SPECC1L: variants seen among roughly 807,000 people sequenced by gnomAD.
SPECC1L encodes cytospin-A.
Under a neutral mutation model 116.8 loss-of-function variants are expected in SPECC1L, and 40 were observed. The ratio of observed to expected loss-of-function variants is 0.34; its 90% CI spans 0.27 to 0.45. The LOEUF is 0.45. Among genes scored for constraint, SPECC1L ranks in the 20% least tolerant of loss-of-function variants. The pLI is 1.00. For synonymous variants in SPECC1L, 504 were observed against 500.6 expected (o/e 1.01, Z -0.09); for missense variants, 1,110 against 1,373.6 (o/e 0.81, Z 3.03).
intron 2 of SPECC1L, 52 bp from the exon 3 acceptor site, chr22:24,302,143 A>T: frequency 7.4e-7 from 1 of 1,360,132 alleles, no homozygotes; most frequent in Non-Finnish European, 1.0e-6. Flanking sequence ...CAAATTTCTA[A>T]AGCGCTTCCT....
At chr22:24,374,381 A>G (rs1217242957) in intron 14 of SPECC1L, among the ~76,000 whole-genome samples, 4 of 152,204 alleles carry the variant, frequency 2.6e-5, no homozygotes, top group Non-Finnish European at 4.4e-5. Flanking sequence ...CCAAATGCCC[A>G]AGAATGATAG....
chr22:24,322,250 T>C lies in SPECC1L; in HGVS notation c.1270T>C (p.Leu424=), dbSNP rs1266530935. ...GGCAACCCTGCAAGAGCTAGCTGAT[T>C]TACAGCAGATTACCCAGGAACTGAA... The part of the protein sequence containing the change: ...LQATLQELAD[L]QQITQELNSE... The change falls in exon 5 of 17, where the codon TTA becomes CTA. Residue 424 remains leucine, a synonymous_variant. Transcript: ENST00000314328. 6.2e-7 allele frequency: 1 copy of C among 1,614,044 alleles called. No homozygotes were observed. The highest frequency in any genetic ancestry group is 2.2e-5 in the East Asian group (1 of 44,896).
At chr22:24,318,520 G>C (rs1336165811) in intron 4 of SPECC1L, among the ~76,000 whole-genome samples, 3 of 152,162 alleles carry the variant, frequency 2.0e-5, no homozygotes, top group Admixed American at 2.0e-4. Context: ...GGAAAGAGGG[G>C]AGAGGGGAGA....
At chr22:24,384,583 C>G (rs1401327251) in intron 14 of SPECC1L, among the ~76,000 whole-genome samples, 1 of 152,092 alleles carries the variant, frequency 6.6e-6, no homozygotes, top group Admixed American at 6.6e-5. Flanking sequence ...TTGAATTGTT[C>G]AGGAGGTTAG....
At chr22:24,387,589 T>G (rs1026721311) in intron 14 of SPECC1L, among the ~76,000 whole-genome samples, 9 of 152,214 alleles carry the variant, frequency 5.9e-5, no homozygotes, top group Non-Finnish European at 1.0e-4. Flanking sequence ...ATCTGTGGTT[T>G]TGAGGTTTTT....
At chr22:24,399,132 ACAT>A (rs2042421596) in intron 14 of SPECC1L, among the ~76,000 whole-genome samples, 2 of 152,208 alleles carry the variant, frequency 1.3e-5, no homozygotes, top group South Asian at 4.1e-4. Flanking sequence ...CAGAAAGCAG[ACAT>A]CATGATTCCT....
chr22:24,333,708 T>C (rs1267625397), intron 8 of SPECC1L, among the ~76,000 whole-genome samples: 1 of 152,078 alleles, frequency 6.6e-6, no homozygotes, highest in Admixed American at 6.5e-5. Context: ...ATTAATATTA[T>C]ATAGTTATCA....
intron 2 of SPECC1L, among the ~76,000 whole-genome samples, chr22:24,278,511 T>A (rs1220100426): frequency 6.6e-6 from 1 of 152,164 alleles, no homozygotes; most frequent in Non-Finnish European, 1.5e-5. Flanking sequence ...AATATAAATA[T>A]ACCATTCATT....
At chr22:24,393,804 AT>A (rs2042315888) in intron 14 of SPECC1L, among the ~76,000 whole-genome samples, 1 of 151,996 alleles carries the variant, frequency 6.6e-6, no homozygotes, top group Non-Finnish European at 1.5e-5. Flanking sequence ...CACCATGAAC[AT>A]TTCCTCGTGC....
rs769924856 is a variant in SPECC1L at position 24,322,557 on chromosome 22, A to C, written c.1577A>C (p.Asp526Ala). 6.2e-7 allele frequency: 1 copy of C among 1,614,214 alleles called. No individual in the cohort carries two copies. The highest frequency in any genetic ancestry group is 8.5e-7 in the Non-Finnish European group (1 of 1,180,044). Residue 526 changes from aspartate to alanine, a missense_variant, in exon 5 of 17, where the codon GAC becomes GCC. Asp to Ala is a moderately radical substitution (Grantham distance 126, BLOSUM62 -2). This residue lies in a region of SPECC1L where 575 missense variants were observed against 682.4 expected (regional missense o/e 0.84). Transcript: ENST00000314328. ...LSNTLKMAEQ[D>A]NKEAQEMIGA... ...AATACTTTGAAAATGGCAGAACAAG[A>C]CAATAAGGAAGCTCAAGAAATGATA...
Position 24,412,720 on chromosome 22 carries a change from C to G in SPECC1L, c.3264+13C>G. ...CAAATCCACACTGGTGAGCCCTTGT[C>G]CCCCTGAGTCACTGGCAGGGCCCTC... On this transcript the variant is annotated intron_variant, in intron 16 of 16. Coordinates refer to ENST00000314328, the MANE Select transcript of SPECC1L (RefSeq NM_015330.6). 1 of 1,613,778 alleles carries G rather than the reference C, an allele frequency of 6.2e-7. No individual in the cohort carries two copies. Among genetic ancestry groups the G allele is most frequent in the African/African-American group, 1.3e-5 (1 of 75,010 alleles).
At chr22:24,323,516 G>T (rs545092783) in intron 5 of SPECC1L, among the ~76,000 whole-genome samples, 85 of 152,270 alleles carry the variant, frequency 5.6e-4, no homozygotes, top group African/African-American at 1.9e-3. Context: ...TGCTACCCAG[G>T]GCCACTGGCA....
chr22:24,313,517 G>C, intron 4 of SPECC1L, 51 bp downstream of exon 4: 1 of 1,590,478 alleles, frequency 6.3e-7, no homozygotes, highest in Non-Finnish European at 8.6e-7. Flanking sequence ...GTTTGAATGG[G>C]CATGATGCAT....
At chr22:24,367,161 C>G (rs761559444) in intron 13 of SPECC1L, among the ~76,000 whole-genome samples, 2 of 152,174 alleles carry the variant, frequency 1.3e-5, no homozygotes, top group Non-Finnish European at 2.9e-5. Flanking sequence ...CGACTGCACT[C>G]CAGCCTGGGC....
chr22:24,412,598 C>G (rs771213446), intron 15 of SPECC1L, 50 bp from the exon 16 acceptor site: 1 of 1,596,052 alleles, frequency 6.3e-7, no homozygotes, highest in South Asian at 1.1e-5. Context: ...GGCCACGTGA[C>G]TTTCTCTGTG....
Position 24,327,476 on chromosome 22 carries a change from A to G in SPECC1L, c.2147-1370A>G, listed in dbSNP as rs71318977. Among the ~76,000 whole-genome samples the G allele has an allele frequency of 9.8e-3, 1,491 of 152,180 alleles. 15 individuals are homozygous for G. The highest frequency in any genetic ancestry group is 0.013 in the Non-Finnish European group (885 of 67,978). Reference sequence around the variant, plus strand: ...ATTAAAAGCCAATAAAGTGTTAGCTAGAGGAAGAATTTTTTGATTACATGT... The same window carrying G: ...ATTAAAAGCCAATAAAGTGTTAGCTGGAGGAAGAATTTTTTGATTACATGT... On this transcript the variant is annotated intron_variant, in intron 6 of 16. Transcript: ENST00000314328.
chr22:24,349,317 C>T (rs1346438867), intron 11 of SPECC1L, among the ~76,000 whole-genome samples: 5 of 152,240 alleles, frequency 3.3e-5, no homozygotes, highest in Admixed American at 2.0e-4. Flanking sequence ...GCTGGGATTA[C>T]AGGCATGAGC....
intron 11 of SPECC1L, among the ~76,000 whole-genome samples, chr22:24,347,393 TAG>T (rs774308947): frequency 6.6e-6 from 1 of 152,168 alleles, no homozygotes; most frequent in African/African-American, 2.4e-5. Flanking sequence ...TAATGGGTAA[TAG>T]AGAGTGTACA....
chr22:24,395,342 T>C (rs959813391), intron 14 of SPECC1L, among the ~76,000 whole-genome samples: 1 of 152,190 alleles, frequency 6.6e-6, no homozygotes, highest in Non-Finnish European at 1.5e-5. Flanking sequence ...CTTTTTGGCC[T>C]GTGGACTTAA....
Sources: allele counts gnomAD v4.1 joint callset (sites outside exome capture counted in the v4.1 genomes callset), GRCh38; gene constraint gnomAD v4.1.1; regional missense constraint gnomAD v4.1.1; transcripts MANE v1.5; gene names NCBI Gene and HGNC (gene_info 2026-07-23, HGNC 2026-07-21).